The following ADORA2B variants were observed in gnomAD, a reference collection of about 807,000 sequenced individuals.
ADORA2B encodes adenosine A2b receptor.
ADORA2B carries 18 observed loss-of-function variants against 20.8 expected under a neutral mutation model. That is an observed-to-expected ratio of 0.87 (90% CI 0.60 to 1.29). The LOEUF (loss-of-function observed/expected upper bound fraction) is 1.29. Ranked by LOEUF, ADORA2B falls within the 50% of genes most tolerant of loss-of-function variation. ADORA2B has a pLI of 0.00. For synonymous variants in ADORA2B, 179 were observed against 178.3 expected, an observed-to-expected ratio of 1.00 and a Z score of -0.03; for missense variants, 441 against 422.7, an observed-to-expected ratio of 1.04 and a Z score of -0.38.
chr17:15,912,025 C>G, the ADORA2B span, among the ~76,000 whole-genome samples: 1 of 152,032 alleles, frequency 6.6e-6, no homozygotes, highest in African/African-American at 2.4e-5. Context: ...CCAGCCAGGC[C>G]AACATGGCAA....
the ADORA2B span, among the ~76,000 whole-genome samples, chr17:15,928,190 GTTTGGCAAGAC>G: frequency 3.3e-5 from 5 of 152,158 alleles, no homozygotes; most frequent in Admixed American, 3.3e-4. Flanking sequence ...CGGCTATTGG[GTTTGGCAAGAC>G]GTATGTTGCT....
chr17:15,953,184 TG>T (rs1969927450), intron 1 of ADORA2B, among the ~76,000 whole-genome samples: 1 of 151,968 alleles, frequency 6.6e-6, no homozygotes, highest in Admixed American at 6.6e-5. Flanking sequence ...CACCCGTGAG[TG>T]GGCATGGGAT....
chr17:15,917,782 T>C, the ADORA2B span, among the ~76,000 whole-genome samples: 1 of 152,214 alleles, frequency 6.6e-6, no homozygotes, highest in Non-Finnish European at 1.5e-5. Flanking sequence ...GCTCCGGGCC[T>C]GGCGCGGGCA....
the ADORA2B span, among the ~76,000 whole-genome samples, chr17:15,879,833 G>A: frequency 9.6e-3 from 1,429 of 148,802 alleles, 43 homozygotes; most frequent in African/African-American, 0.035. Context: ...CACCGCACCC[G>A]GCCAAAGATG....
the ADORA2B span, among the ~76,000 whole-genome samples, chr17:15,928,050 C>T: frequency 3.8e-4 from 58 of 152,216 alleles, no homozygotes; most frequent in Admixed American, 7.2e-4. Context: ...CCTCGTGATC[C>T]GCCCGCCTCA....
chr17:15,974,784 AGAC>A lies in ADORA2B; in HGVS notation c.442_444del (p.Asp148del). On this transcript the variant is annotated inframe_deletion, in exon 2 of 2. Coordinates refer to ENST00000304222, the MANE Select transcript of ADORA2B (RefSeq NM_000676.4). ...CTCCATTCCTGGGGTGGAACAGTAA[AGAC>A]AGTGCCACCAACAACTGCACAGAAC... 6 of 1,613,702 alleles carry A rather than the reference AGAC, an allele frequency of 3.7e-6. No individual in the cohort carries two copies. Among genetic ancestry groups the A allele is most frequent in the Non-Finnish European group, 4.2e-6 (5 of 1,179,944 alleles).
the ADORA2B span, among the ~76,000 whole-genome samples, chr17:15,897,559 C>G: frequency 6.6e-6 from 1 of 152,094 alleles, no homozygotes; most frequent in African/African-American, 2.4e-5. Context: ...CAGAGTGAGA[C>G]TCTGTCTCAA....
intron 1 of ADORA2B, among the ~76,000 whole-genome samples, chr17:15,967,101 G>T (rs959425695): frequency 6.6e-6 from 1 of 152,184 alleles, no homozygotes; most frequent in Non-Finnish European, 1.5e-5. Context: ...CTGGGGAGAG[G>T]ACAGAGGCCC....
At chr17:15,897,294 G>A in the ADORA2B span, among the ~76,000 whole-genome samples, 13 of 152,180 alleles carry the variant, frequency 8.5e-5, no homozygotes, top group Admixed American at 1.3e-4. Flanking sequence ...CTAGCCAGGC[G>A]TGGTGGCTCA....
chr17:15,974,701 A>C lies in ADORA2B; in HGVS notation c.358A>C (p.Thr120Pro). Residue 120 changes from threonine to proline, a missense_variant, in exon 2 of 2, where the codon ACC (threonine) becomes CCC (proline). Coordinates refer to ENST00000304222, the MANE Select transcript of ADORA2B (RefSeq NM_000676.4). ...CAGGTATAAAAGTTTGGTCACGGGG[A>C]CCCGAGCAAGAGGGGTCATTGCTGT... is the stretch of plus-strand genomic sequence containing the variant. Reference protein sequence around the residue: ...PLRYKSLVTGTRARGVIAVLW... With the variant: ...PLRYKSLVTGPRARGVIAVLW... The C allele has an allele frequency of 6.2e-7, 1 of 1,613,578 alleles. No homozygotes were observed. The highest frequency in any genetic ancestry group is 8.5e-7 in the Non-Finnish European group (1 of 1,179,618).
At chr17:15,935,969 C>T in the ADORA2B span, among the ~76,000 whole-genome samples, 98 of 151,304 alleles carry the variant, frequency 6.5e-4, no homozygotes, top group Middle Eastern at 3.4e-3. Flanking sequence ...CAGGTTCAGG[C>T]GATCCTCCCA....
At chr17:15,866,688 T>TCTGCCTCTGCCTCTGCCG in the ADORA2B span, among the ~76,000 whole-genome samples, 11 of 78,918 alleles carry the variant, frequency 1.4e-4, no homozygotes, top group African/African-American at 4.5e-4. Context: ...TGGCTCTCCC[T>TCTGCCTCTGCCTCTGCCG]CTGCCTCTGC....
At chr17:15,900,914 A>G in the ADORA2B span, among the ~76,000 whole-genome samples, 477 of 152,302 alleles carry the variant, frequency 3.1e-3, no homozygotes, top group African/African-American at 0.011. Flanking sequence ...CCCCACAGAA[A>G]GAATTTGGTG....
the ADORA2B span, among the ~76,000 whole-genome samples, chr17:15,877,272 C>G: frequency 7.2e-5 from 11 of 152,262 alleles, 1 homozygote; most frequent in African/African-American, 2.4e-4. Context: ...TGGGTTGTTT[C>G]CTACAGTTCC....
chr17:15,927,699 G>C, the ADORA2B span, among the ~76,000 whole-genome samples: 2 of 152,274 alleles, frequency 1.3e-5, no homozygotes, highest in African/African-American at 2.4e-5. Context: ...CATTGCAGTA[G>C]TTCAGGTGAG....
At chr17:15,929,031 G>A in the ADORA2B span, among the ~76,000 whole-genome samples, 3 of 152,112 alleles carry the variant, frequency 2.0e-5, no homozygotes, top group Admixed American at 6.6e-5. Flanking sequence ...GCAGGGTGTG[G>A]GAGACAAAAA....
the ADORA2B span, among the ~76,000 whole-genome samples, chr17:15,870,601 G>A: frequency 6.7e-6 from 1 of 148,510 alleles, no homozygotes. Context: ...TGACAAGAGT[G>A]TTATCCAAAC....
At chr17:15,930,185 C>T in the ADORA2B span, among the ~76,000 whole-genome samples, 4 of 151,642 alleles carry the variant, frequency 2.6e-5, no homozygotes, top group African/African-American at 4.8e-5. Flanking sequence ...CATCCTGGGG[C>T]GACCCTGTTG....
At position 15,945,311 on chromosome 17, in the gene ADORA2B, G is replaced by A; in HGVS notation, c.63G>A (p.Ser21=). 1 of 1,579,684 alleles carries A rather than the reference G, an allele frequency of 6.3e-7. No homozygotes were observed. Among genetic ancestry groups the A allele is most frequent in the South Asian group, 1.1e-5 (1 of 87,862 alleles). ...VALELVIAAL[S]VAGNVLVCAA... ...TGGAGCTGGTCATCGCCGCGCTTTC[G>A]GTGGCGGGCAACGTGCTGGTGTGCG... Residue 21 remains serine, a synonymous_variant, in exon 1 of 2, where the codon TCG becomes TCA. Coordinates refer to ENST00000304222, the MANE Select transcript of ADORA2B (RefSeq NM_000676.4).
Sources: gnomAD v4.1 joint callset for allele counts (sites outside exome capture counted in the v4.1 genomes callset) on GRCh38, gnomAD v4.1.1 for gene constraint, MANE v1.5 for transcripts, NCBI Gene and HGNC (gene_info 2026-07-23, HGNC 2026-07-21) for gene names.